ANKRD31: variants seen among roughly 807,000 people sequenced by gnomAD.
ANKRD31 encodes ankyrin repeat domain-containing protein 31.
Under a neutral mutation model 186.0 loss-of-function variants are expected in ANKRD31, and 147 were observed. The observed-to-expected ratio is 0.79, with a 90% CI of 0.69 to 0.91. The LOEUF is 0.91. ANKRD31 is among the 40% of genes least tolerant of loss of function. The pLI is 0.00. For missense variants in ANKRD31, 1,986 were observed against 2,148.8 expected (o/e 0.92, Z 1.50); for synonymous variants, 673 against 736.4 (o/e 0.91, Z 1.39).
intron 3 of ANKRD31, among the ~76,000 whole-genome samples, chr5:75,213,112 C>T (rs1367658926): frequency 1.3e-5 from 2 of 152,120 alleles, no homozygotes; most frequent in African/African-American, 2.4e-5. Context: ...TAGTTTCACA[C>T]ATATATACTT....
intron 15 of ANKRD31, among the ~76,000 whole-genome samples, chr5:75,142,420 T>C (rs1467091696): frequency 6.6e-6 from 1 of 152,064 alleles, no homozygotes; most frequent in East Asian, 1.9e-4. Flanking sequence ...GCTGCACATA[T>C]CTATATATTA....
chr5:75,111,629 A>C (rs537535808), intron 20 of ANKRD31, among the ~76,000 whole-genome samples: 1 of 152,340 alleles, frequency 6.6e-6, no homozygotes, highest in Non-Finnish European at 1.5e-5. Flanking sequence ...ACTACTTTTA[A>C]CTAATTTTTA....
intron 3 of ANKRD31, among the ~76,000 whole-genome samples, chr5:75,212,223 T>C (rs566425791): frequency 6.6e-6 from 1 of 152,304 alleles, no homozygotes; most frequent in South Asian, 2.1e-4. Context: ...TCTTCATTAA[T>C]ATGTGATGAT....
At chr5:75,175,273 C>G (rs1451863805) in intron 10 of ANKRD31, among the ~76,000 whole-genome samples, 1 of 152,006 alleles carries the variant, frequency 6.6e-6, no homozygotes, top group Non-Finnish European at 1.5e-5. Context: ...GGAGAAATAC[C>G]TAATGTAAAT....
chr5:75,112,563 T>A lies in ANKRD31; in HGVS notation c.4193A>T (p.Glu1398Val), dbSNP rs2150071882. The change falls in exon 20 of 26, where the codon GAA becomes GTA. Residue 1398 changes from glutamate (E) to valine (V), a missense_variant. Physicochemically the swap from Glu to Val is moderately radical, Grantham distance 121. Transcript: ENST00000506364. ...TLSAILQDIEEKQEYLLEFEI... is the reference protein window; with the variant it reads ...TLSAILQDIEVKQEYLLEFEI... Reference sequence around the variant, plus strand: ...AAACTCTAATAAATATTCTTGTTTTTCTTCTATATCTTGTAGAATGGCACT... The same window carrying A: ...AAACTCTAATAAATATTCTTGTTTTACTTCTATATCTTGTAGAATGGCACT... 2.0e-6 allele frequency: 3 copies of A among 1,525,764 alleles called. No individual in the cohort carries two copies. The highest frequency in any genetic ancestry group is 2.6e-6 in the Non-Finnish European group (3 of 1,139,376). The allele number at this position is 1,525,764 out of a possible 1,614,324, so 94.5% of individuals were successfully genotyped here.
chr5:75,096,908 G>T (rs992866308), intron 22 of ANKRD31, among the ~76,000 whole-genome samples: 2 of 147,848 alleles, frequency 1.4e-5, no homozygotes, highest in Admixed American at 7.0e-5. Flanking sequence ...AGAACATGCA[G>T]CGTTCGGTTT....
chr5:75,125,975 A>G (rs201843886), intron 17 of ANKRD31, among the ~76,000 whole-genome samples: 4 of 152,214 alleles, frequency 2.6e-5, no homozygotes, highest in African/African-American at 7.2e-5. Context: ...ATCACAAAAA[A>G]TCCTTTCTGC....
At chr5:75,099,836 G>A (rs888014707) in intron 22 of ANKRD31, among the ~76,000 whole-genome samples, 1 of 152,048 alleles carries the variant, frequency 6.6e-6, no homozygotes, top group Non-Finnish European at 1.5e-5. Flanking sequence ...AGTCTTGCTA[G>A]CGGTCTATCA....
At chr5:75,174,550 C>G (rs1753618405) in intron 10 of ANKRD31, among the ~76,000 whole-genome samples, 4 of 151,988 alleles carry the variant, frequency 2.6e-5, no homozygotes, top group Admixed American at 2.0e-4. Flanking sequence ...AAAAACAACC[C>G]CAACAAAAAG....
chr5:75,224,178 T>TACAC (rs1554095671), intron 2 of ANKRD31, among the ~76,000 whole-genome samples: 1 of 124,432 alleles, frequency 8.0e-6, no homozygotes, highest in Admixed American at 8.0e-5. Context: ...TATATATATA[T>TACAC]ACACACATTT....
At position 75,073,317 on chromosome 5, in the gene ANKRD31, C is replaced by T. The variant is rs75246467; in HGVS notation, c.5648-4653G>A. Among the ~76,000 whole-genome samples the T allele has an allele frequency of 2.4e-3, 364 of 151,106 alleles. 8 individuals are homozygous for T. In the East Asian group the frequency reaches 0.061, roughly 25 times the overall value. On this transcript the variant is annotated intron_variant, in intron 25 of 25. Transcript: ENST00000506364. ...ATCTCTTAAAAAAAAAAAAAAGTCA[C>T]AGGCCTAAATAAAAGTGCTTGTTTT... is the stretch of plus-strand genomic sequence containing the variant.
chr5:75,072,817 G>T (rs4389672), intron 25 of ANKRD31, among the ~76,000 whole-genome samples: 77,230 of 152,022 alleles, frequency 0.51, 22,680 homozygotes, highest in African/African-American at 0.82. Flanking sequence ...CTACAATAAC[G>T]ATATTACAAA....
At chr5:75,115,602 A>T (rs1471702175) in intron 19 of ANKRD31, among the ~76,000 whole-genome samples, 3 of 152,042 alleles carry the variant, frequency 2.0e-5, no homozygotes, top group Admixed American at 6.5e-5. Flanking sequence ...GGCAAAGGAC[A>T]TGAACAGACA....
At position 75,147,376 on chromosome 5, in the gene ANKRD31, A is replaced by G; in HGVS notation, c.2035T>C (p.Tyr679His). The change falls in exon 14 of 26, where the codon TAT (tyrosine) becomes CAT (histidine). Residue 679 changes from tyrosine to histidine, a missense_variant. Coordinates refer to ENST00000506364, the MANE Select transcript of ANKRD31 (RefSeq NM_001372053.1). ...ASLFINKEDVYEYYQKDPKNT... is the reference protein window; with the variant it reads ...ASLFINKEDVHEYYQKDPKNT... The stretch of plus-strand genomic sequence containing the variant: ...TTGGGATCTTTTTGGTAATATTCAT[A>G]TACATCTTCTTTATTTATAAATAAA... The G allele has an allele frequency of 6.5e-7, 1 of 1,528,422 alleles. No homozygotes were observed. The highest frequency in any genetic ancestry group is 2.4e-5 in the East Asian group (1 of 40,828). 94.7% of individuals were successfully genotyped at this position (1,528,422 alleles called of 1,614,324 possible).
At chr5:75,133,037 G>A (rs922025117) in intron 17 of ANKRD31, among the ~76,000 whole-genome samples, 8 of 152,084 alleles carry the variant, frequency 5.3e-5, no homozygotes, top group African/African-American at 1.2e-4. Context: ...AGGAACAACC[G>A]GTACCAGCCA....
intron 11 of ANKRD31, among the ~76,000 whole-genome samples, chr5:75,160,065 A>C (rs1752470106): frequency 6.6e-6 from 1 of 152,130 alleles, no homozygotes; most frequent in South Asian, 2.1e-4. Flanking sequence ...GCTTAATAAA[A>C]TAAACTCTAT....
intron 11 of ANKRD31, 95 bp from the exon 12 acceptor site, chr5:75,154,440 CTT>C (rs1376920381): frequency 9.3e-7 from 1 of 1,073,382 alleles, no homozygotes; most frequent in African/African-American, 1.6e-5. Context: ...TCAAATATCT[CTT>C]TTGAAAATAC....
intron 1 of ANKRD31, among the ~76,000 whole-genome samples, chr5:75,230,896 G>A (rs574403251): frequency 1.4e-4 from 22 of 152,122 alleles, no homozygotes; most frequent in East Asian, 9.6e-4. Flanking sequence ...GACAAATATC[G>A]TTGTCTCTAG....
intron 17 of ANKRD31, among the ~76,000 whole-genome samples, chr5:75,121,814 T>C (rs896933169): frequency 5.9e-5 from 9 of 152,070 alleles, no homozygotes; most frequent in African/African-American, 2.2e-4. Flanking sequence ...AAAGCAGCGC[T>C]AAGAGGGAGG....
Sources: gnomAD v4.1 joint callset for allele counts (sites outside exome capture counted in the v4.1 genomes callset) on GRCh38, gnomAD v4.1.1 for gene constraint, MANE v1.5 for transcripts, NCBI Gene and HGNC (gene_info 2026-07-23, HGNC 2026-07-21) for gene names.